ADCK1: variants seen among roughly 807,000 people sequenced by gnomAD.
ADCK1 encodes aarF domain containing kinase 1, also known as aarF domain-containing protein kinase 1.
A neutral mutation model predicts 52.3 loss-of-function variants in ADCK1; 41 were observed. That is an observed-to-expected ratio of 0.78 (90% confidence interval 0.61 to 1.02). The LOEUF (loss-of-function observed/expected upper bound fraction) is 1.02. Ranked by LOEUF, ADCK1 falls within the 50% of genes least tolerant of loss-of-function variation. ADCK1 has a pLI of 0.00. For missense variants in ADCK1, 658 were observed against 679.5 expected (o/e 0.97, Z 0.35); for synonymous variants, 250 against 274.6 (o/e 0.91, Z 0.89).
intron 4 of ADCK1, among the ~76,000 whole-genome samples, 153 bp from the exon 5 acceptor site, chr14:77,886,938 A>G (rs1421280606): frequency 2.3e-5 from 3 of 129,062 alleles, no homozygotes; most frequent in South Asian, 2.4e-4. Flanking sequence ...ACACACACAC[A>G]CACGCACAAC....
chr14:77,926,128 A>G (rs2084188026), intron 9 of ADCK1, among the ~76,000 whole-genome samples, 167 bp downstream of exon 9: 1 of 152,156 alleles, frequency 6.6e-6, no homozygotes, highest in Admixed American at 6.5e-5. Flanking sequence ...AGACAAGGAG[A>G]AATAATGCCC....
chr14:77,858,510 G>T (rs2140136083), intron 3 of ADCK1, among the ~76,000 whole-genome samples: 1 of 152,274 alleles, frequency 6.6e-6, no homozygotes, highest in South Asian at 2.1e-4. Context: ...AAAGTGTTGG[G>T]ATTACAAGCG....
intron 3 of ADCK1, among the ~76,000 whole-genome samples, chr14:77,852,882 T>TATATATATATATATATA: frequency 3.2e-5 from 1 of 31,262 alleles, no homozygotes; most frequent in Non-Finnish European, 6.4e-5. Context: ...CTTTTATGTG[T>TATATATATATATATATA]GTATATATAT....
chr14:77,847,506 G>A (rs2082195692), intron 3 of ADCK1, among the ~76,000 whole-genome samples: 1 of 152,222 alleles, frequency 6.6e-6, no homozygotes, highest in African/African-American at 2.4e-5. Context: ...GGAGGTGGAG[G>A]TTGCAGTGAG....
chr14:77,832,166 C>CAGG (rs1566647225), intron 3 of ADCK1, among the ~76,000 whole-genome samples: 1 of 152,058 alleles, frequency 6.6e-6, no homozygotes, highest in Non-Finnish European at 1.5e-5. Context: ...TTAGTAGAGA[C>CAGG]AGGATTTCAC....
In ADCK1 at chr14:77,862,714, T is replaced by C. The variant is rs528113180; in HGVS notation, c.423+3435T>C. On this transcript the variant is annotated intron_variant, in intron 4 of 10. Transcript: ENST00000238561. ...CTTTTCCTTCATTCCTTCTCTCTCCTGCTGGTCTACGCGGTTGGCATTTAG... is the reference window on the plus strand; with the variant it reads ...CTTTTCCTTCATTCCTTCTCTCTCCCGCTGGTCTACGCGGTTGGCATTTAG... Among the ~76,000 whole-genome samples, 4 of 152,346 alleles carry C rather than the reference T, an allele frequency of 2.6e-5. No homozygotes were observed. The South Asian group carries it at 8.3e-4, about 32-fold the overall frequency.
intron 4 of ADCK1, among the ~76,000 whole-genome samples, chr14:77,861,559 T>G (rs1162666029): frequency 6.6e-6 from 1 of 151,374 alleles, no homozygotes; most frequent in Admixed American, 6.6e-5. Context: ...TAAGACCTTC[T>G]GCAGAAAGCT....
chr14:77,922,847 G>C (rs934163679), intron 7 of ADCK1, among the ~76,000 whole-genome samples: 1 of 152,176 alleles, frequency 6.6e-6, no homozygotes, highest in African/African-American at 2.4e-5. Flanking sequence ...CATTCTTGAT[G>C]ATTTAATTTG....
intron 1 of ADCK1, among the ~76,000 whole-genome samples, chr14:77,818,133 C>T (rs1036668870): frequency 3.3e-5 from 5 of 152,242 alleles, no homozygotes; most frequent in African/African-American, 7.2e-5. Context: ...GCCATTTTGG[C>T]TGTGGCCTGA....
intron 3 of ADCK1, among the ~76,000 whole-genome samples, chr14:77,846,373 A>C (rs2082173927): frequency 6.6e-6 from 1 of 152,214 alleles, no homozygotes; most frequent in South Asian, 2.1e-4. Context: ...ACCCTGGGTA[A>C]CAGTTCCCTT....
At chr14:77,862,259 G>T (rs1167803763) in intron 4 of ADCK1, among the ~76,000 whole-genome samples, 1 of 152,200 alleles carries the variant, frequency 6.6e-6, no homozygotes, top group Non-Finnish European at 1.5e-5. Flanking sequence ...CCTCTGGGAG[G>T]TGGGGTCGTT....
chr14:77,847,400 A>G (rs905481934), intron 3 of ADCK1, among the ~76,000 whole-genome samples: 1 of 152,154 alleles, frequency 6.6e-6, no homozygotes. Context: ...GCAAAACCCC[A>G]TCTTTACTAA....
At chr14:77,859,373 T>C in intron 4 of ADCK1, 94 bp downstream of exon 4, 1 of 1,308,502 alleles carries the variant, frequency 7.6e-7, no homozygotes, top group Non-Finnish European at 1.0e-6. Flanking sequence ...GTGCTGGGGA[T>C]CCACCAGTGA....
chr14:77,830,565 T>C (rs1039809655), intron 3 of ADCK1, among the ~76,000 whole-genome samples: 1 of 151,188 alleles, frequency 6.6e-6, no homozygotes, highest in Non-Finnish European at 1.5e-5. Context: ...ACTGCTGGGA[T>C]TACAGGCGTG....
In ADCK1 at chr14:77,931,502, C is replaced by G. The variant is rs1212262694; in HGVS notation, c.1207-16C>G. On this transcript the variant is annotated splice_polypyrimidine_tract_variant and intron_variant, in intron 9 of 10. Coordinates refer to ENST00000238561, the MANE Select transcript of ADCK1 (RefSeq NM_020421.4). Reference sequence around the variant, plus strand: ...CATACCAACCATCTGTTTCTGTTGCCCCATTGCTGCTTCAGGACTTAGAGA... The same window carrying G: ...CATACCAACCATCTGTTTCTGTTGCGCCATTGCTGCTTCAGGACTTAGAGA... 6 of 1,609,114 alleles carry G rather than the reference C, an allele frequency of 3.7e-6. No homozygotes were observed. The highest frequency in any genetic ancestry group is 5.1e-6 in the Non-Finnish European group (6 of 1,176,452).
chr14:77,867,325 A>G (rs1342178762), intron 4 of ADCK1, among the ~76,000 whole-genome samples: 1 of 152,224 alleles, frequency 6.6e-6, no homozygotes, highest in African/African-American at 2.4e-5. Flanking sequence ...ATGGAACAGA[A>G]GGATCTGGTG....
At chr14:77,849,375 A>G (rs1427592669) in intron 3 of ADCK1, among the ~76,000 whole-genome samples, 1 of 152,140 alleles carries the variant, frequency 6.6e-6, no homozygotes, top group Non-Finnish European at 1.5e-5. Flanking sequence ...TGCCTGGCCA[A>G]CTGGTACTCT....
chr14:77,902,153 A>G (rs1324482579), intron 6 of ADCK1, among the ~76,000 whole-genome samples: 1 of 152,200 alleles, frequency 6.6e-6, no homozygotes, highest in Non-Finnish European at 1.5e-5. Context: ...ACTAACAGGG[A>G]TGGAATGACT....
chr14:77,906,366 C>G (rs893402583), intron 6 of ADCK1, among the ~76,000 whole-genome samples: 11 of 152,222 alleles, frequency 7.2e-5, no homozygotes, highest in African/African-American at 2.4e-4. Context: ...TAACCCCTCC[C>G]TCCTGGCTGT....
Sources: gnomAD v4.1 joint callset for allele counts (sites outside exome capture counted in the v4.1 genomes callset) on GRCh38, gnomAD v4.1.1 for gene constraint, MANE v1.5 for transcripts, NCBI Gene and HGNC (gene_info 2026-07-23, HGNC 2026-07-21) for gene names.